C7: variants seen among roughly 807,000 people sequenced by gnomAD.
The protein encoded by C7 is complement component C7.
In C7, 83 loss-of-function variants were observed where a neutral mutation model predicts 104.8. The observed-to-expected ratio is 0.79, with a 90% CI of 0.66 to 0.95. C7 has a LOEUF of 0.95. C7 is among the 40% of genes least tolerant of loss of function. The probability of loss-of-function intolerance (pLI) is 0.00; values close to 1 mark genes in which losing one functional copy is unlikely to be tolerated. For missense variants in C7, 1,070 were observed against 1,011.2 expected (o/e 1.06, Z -0.79); for synonymous variants, 415 against 360.6 (o/e 1.15, Z -1.71).
At chr5:40,950,936 G>T (rs889952361) in intron 9 of C7, among the ~76,000 whole-genome samples, 2 of 152,144 alleles carry the variant, frequency 1.3e-5, no homozygotes, top group Admixed American at 1.3e-4. Flanking sequence ...ACCATGTTAA[G>T]GAGTTTGGAT....
At chr5:40,956,746 A>T (rs1364054640) in intron 10 of C7, among the ~76,000 whole-genome samples, 1 of 152,214 alleles carries the variant, frequency 6.6e-6, no homozygotes, top group Admixed American at 6.5e-5. Flanking sequence ...GTCCCCTCCT[A>T]ACACCCATAA....
intron 13 of C7, 64 bp from the exon 14 acceptor site, chr5:40,964,677 A>C: frequency 7.0e-7 from 1 of 1,423,678 alleles, no homozygotes. Context: ...ATATATGTAA[A>C]GAAACGTTTT....
In C7 at chr5:40,947,602, A is replaced by G; in HGVS notation, c.739A>G (p.Ser247Gly). Residue 247 changes from serine to glycine, a missense_variant and splice_region_variant, in exon 8 of 18, where the codon AGT becomes GGT. Transcript: ENST00000313164. ...CTTGTACTCTTTCTTCTTTCCACAG[A>G]GTTACCAACTGCTGGTTGTTGAGAA... The part of the protein sequence containing the change: ...SHTNEIHKGK[S>G]YQLLVVENTV... 6.2e-7 allele frequency: 1 copy of G among 1,613,072 alleles called. No homozygotes were observed. Among genetic ancestry groups the G allele is most frequent in the Non-Finnish European group, 8.5e-7 (1 of 1,179,492 alleles).
chr5:40,933,675 TG>T (rs1242604485), intron 3 of C7, among the ~76,000 whole-genome samples: 2 of 152,176 alleles, frequency 1.3e-5, no homozygotes, highest in African/African-American at 2.4e-5. Context: ...CTCTCTGAAT[TG>T]TTTTTGCTTG....
chr5:40,957,532 C>T (rs767162972), intron 10 of C7, among the ~76,000 whole-genome samples: 20 of 151,900 alleles, frequency 1.3e-4, no homozygotes, highest in Non-Finnish European at 2.2e-4. Flanking sequence ...CTTGGCTCAG[C>T]GCAACCTCCA....
At chr5:40,931,007 T>G in intron 2 of C7, 57 bp from the exon 3 acceptor site, 1 of 1,170,482 alleles carries the variant, frequency 8.5e-7, no homozygotes, top group Non-Finnish European at 1.3e-6. Flanking sequence ...CTATTCTTTG[T>G]GTTCCCTTGC....
Position 40,964,857 on chromosome 5 carries a change from G to A in C7, c.1866G>A (p.Gly622=). 9 of 1,613,568 alleles carry A rather than the reference G, an allele frequency of 5.6e-6. No individual in the cohort carries two copies. The highest frequency in any genetic ancestry group is 7.6e-6 in the Non-Finnish European group (9 of 1,179,740). The change falls in exon 14 of 18, where the codon GGG becomes GGA. Residue 622 remains glycine (G), a synonymous_variant. Transcript: ENST00000313164. ...GAGAAGATTTACGGTGGCTTGTTGG[G>A]GAAATGCATTGTCAGAGTGAGTGGC... is the stretch of plus-strand genomic sequence containing the variant. ...RCGEDLRWLV[G]EMHCQKIACV...
intron 15 of C7, among the ~76,000 whole-genome samples, chr5:40,975,539 T>G (rs891775880): frequency 1.3e-5 from 2 of 152,206 alleles, no homozygotes; most frequent in Admixed American, 6.5e-5. Context: ...AATTTTTGTA[T>G]TTTTAGTAGA....
At chr5:40,956,450 C>A (rs371015807) in intron 10 of C7, among the ~76,000 whole-genome samples, 1 of 152,218 alleles carries the variant, frequency 6.6e-6, no homozygotes, top group African/African-American at 2.4e-5. Context: ...CATGCGTATG[C>A]ATGAGTTTTG....
Position 40,984,278 on chromosome 5 carries a change from C to T in C7, c.*2705C>T, listed in dbSNP as rs1161352298. ...ACCTTGAAAGAGAAGGAGGGTTCTT[C>T]GTATTCAGGTAGGGTATGGTAGGGA... is the stretch of plus-strand genomic sequence containing the variant. On this transcript the variant is annotated 3_prime_UTR_variant, in exon 18 of 18. Transcript: ENST00000313164. Among the ~76,000 whole-genome samples, 4 of 152,096 alleles carry T rather than the reference C, an allele frequency of 2.6e-5. No individual in the cohort carries two copies. The highest frequency in any genetic ancestry group is 2.1e-4 in the South Asian group (1 of 4,822).
At chr5:40,944,171 A>G (rs927752914) in intron 6 of C7, among the ~76,000 whole-genome samples, 5 of 152,224 alleles carry the variant, frequency 3.3e-5, no homozygotes. Flanking sequence ...GTATGTATAT[A>G]TAATAAAAAC....
chr5:40,954,009 G>A (rs554927251), intron 9 of C7, among the ~76,000 whole-genome samples: 103 of 126,312 alleles, frequency 8.2e-4, no homozygotes, highest in African/African-American at 2.5e-3. Flanking sequence ...CTCAAAATCC[G>A]ATCTGCAAGG....
At chr5:40,952,899 T>C (rs1579860249) in intron 9 of C7, among the ~76,000 whole-genome samples, 1 of 152,306 alleles carries the variant, frequency 6.6e-6, no homozygotes, top group East Asian at 1.9e-4. Flanking sequence ...CTGCAGTTCT[T>C]ACATAGGTGT....
At chr5:40,951,933 C>T (rs1368736640) in intron 9 of C7, among the ~76,000 whole-genome samples, 1 of 152,186 alleles carries the variant, frequency 6.6e-6, no homozygotes, top group Non-Finnish European at 1.5e-5. Context: ...TCGTTTTAGA[C>T]ACTCAAGATA....
At chr5:40,953,366 G>A (rs1283722482) in intron 9 of C7, among the ~76,000 whole-genome samples, 1 of 152,126 alleles carries the variant, frequency 6.6e-6, no homozygotes, top group Non-Finnish European at 1.5e-5. Context: ...AATTCGACTA[G>A]GCGTGGTGGC....
At chr5:40,975,587 C>A (rs1278598951) in intron 15 of C7, among the ~76,000 whole-genome samples, 3 of 152,144 alleles carry the variant, frequency 2.0e-5, no homozygotes, top group Admixed American at 6.5e-5. Context: ...TGGTCGTGAA[C>A]TCCTGACCTC....
chr5:40,917,191 T>C (rs178928), intron 1 of C7, among the ~76,000 whole-genome samples: 1 of 152,090 alleles, frequency 6.6e-6, no homozygotes, highest in Non-Finnish European at 1.5e-5. Flanking sequence ...GTCACCATTT[T>C]GTATGATAGA....
chr5:40,919,232 T>G lies in C7; in HGVS notation c.7-9348T>G, dbSNP rs1295747104. On this transcript the variant is annotated intron_variant, in intron 1 of 17. Coordinates refer to ENST00000313164, the MANE Select transcript of C7 (RefSeq NM_000587.4). ...TCCACCTCCCAGGCTCAAGTGATTC[T>G]CCCACCTCATCCCTTCCGAGCAGCT... 2.4e-3 allele frequency among the ~76,000 whole-genome samples: 364 copies of G among 151,840 alleles called. 2 individuals carry two copies. The highest frequency in any genetic ancestry group is 8.4e-3 in the African/African-American group (348 of 41,374).
intron 9 of C7, among the ~76,000 whole-genome samples, chr5:40,952,588 A>G (rs573793184): frequency 8.6e-4 from 131 of 151,954 alleles, no homozygotes; most frequent in African/African-American, 2.8e-3. Flanking sequence ...TTGGTGTGCT[A>G]CACCCATTAA....
Sources: gnomAD v4.1 joint callset for allele counts (sites outside exome capture counted in the v4.1 genomes callset) on GRCh38, gnomAD v4.1.1 for gene constraint, MANE v1.5 for transcripts, NCBI Gene and HGNC (gene_info 2026-07-23, HGNC 2026-07-21) for gene names.